The following METTL3 variants were observed in gnomAD, a reference collection of about 807,000 sequenced individuals.
The protein encoded by METTL3 is methyltransferase 3, N6-adenosine-methyltransferase complex catalytic subunit, also known as N(6)-adenosine-methyltransferase catalytic subunit METTL3.
METTL3 carries 42 observed loss-of-function variants against 64.3 expected under a neutral mutation model. The ratio of observed to expected loss-of-function variants is 0.65; its 90% CI spans 0.51 to 0.84. The LOEUF (loss-of-function observed/expected upper bound fraction) is 0.84. Ranked by LOEUF, METTL3 falls within the 40% of genes least tolerant of loss-of-function variation. The pLI, the probability that METTL3 is intolerant of heterozygous loss-of-function variation, is 0.00. For missense variants in METTL3, 435 were observed against 722.3 expected, an observed-to-expected ratio of 0.60 and a Z score of 4.56; for synonymous variants, 256 against 263.6, an observed-to-expected ratio of 0.97 and a Z score of 0.28.
rs1484618672 is a variant in METTL3, at chr14:21,503,203, TTGG to T, written c.690_692del (p.Asn230_Gln231delinsLys). On this transcript the variant is annotated inframe_deletion, in exon 3 of 11. Transcript: ENST00000298717. ...TGCTCTGTTGTTCCTTAGTGGACTG[TTGG>T]TTCAGAAGGCTCTCTATCTCCAGAT... 6.2e-7 allele frequency: 1 copy of T among 1,613,572 alleles called. No individual in the cohort carries two copies. The highest frequency in any genetic ancestry group is 8.5e-7 in the Non-Finnish European group (1 of 1,179,720).
intron 1 of METTL3, among the ~76,000 whole-genome samples, chr14:21,508,561 C>A (rs999114715): frequency 6.6e-6 from 1 of 152,106 alleles, no homozygotes; most frequent in Non-Finnish European, 1.5e-5. Flanking sequence ...CAATTAGAAT[C>A]ATTCATTGAA....
At chr14:21,498,971 C>G in intron 10 of METTL3, 54 bp downstream of exon 10, 2 of 1,266,264 alleles carry the variant, frequency 1.6e-6, no homozygotes, top group Non-Finnish European at 1.2e-6. Context: ...AAGTTCTGTC[C>G]TTAATCATAA....
chr14:21,506,794 G>A (rs1243710409), intron 1 of METTL3, among the ~76,000 whole-genome samples: 1 of 152,190 alleles, frequency 6.6e-6, no homozygotes, highest in East Asian at 1.9e-4. Flanking sequence ...GGCTGAGGAT[G>A]GAGGATCACT....
Position 21,499,584 on chromosome 14 carries a change from C to A in METTL3, c.1360G>T (p.Glu454Ter). ...LNLWGYERVD[E>*]IIWVKTNQLQ... ...TGATTTGTCTTCACCCAAATAATTTCATCTACCCGTTCATACCTGTGGGGC... is the reference window on the plus strand; with the variant it reads ...TGATTTGTCTTCACCCAAATAATTTAATCTACCCGTTCATACCTGTGGGGC... Residue 454 changes from glutamate (E) to a stop codon, truncating the protein, a stop_gained, in exon 8 of 11, where the codon GAA becomes TAA. Transcript: ENST00000298717. LOFTEE classifies it high-confidence loss of function. 6.2e-7 allele frequency: 1 copy of A among 1,614,104 alleles called. No individual in the cohort carries two copies. Among genetic ancestry groups the A allele is most frequent in the South Asian group, 1.1e-5 (1 of 91,082 alleles).
In METTL3 at chr14:21,503,218, C is replaced by G; in HGVS notation, c.678G>C (p.Glu226Asp). ...HAASDVDLEIESLLNQQSTKE... is the reference protein window; with the variant it reads ...HAASDVDLEIDSLLNQQSTKE... ...TAGTGGACTGTTGGTTCAGAAGGCT[C>G]TCTATCTCCAGATCAACATCTGAGG... Residue 226 changes from glutamate to aspartate, a missense_variant, in exon 3 of 11, where the codon GAG becomes GAC. This residue lies in a region of METTL3 where 228 missense variants were observed against 279.6 expected (regional missense o/e 0.82). Transcript: ENST00000298717. 1 of 1,614,038 alleles carries G rather than the reference C, an allele frequency of 6.2e-7. No homozygotes were observed. Among genetic ancestry groups the G allele is most frequent in the Non-Finnish European group, 8.5e-7 (1 of 1,179,970 alleles).
rs1891621329 is a variant in METTL3, at chr14:21,503,475, G to T, written c.421C>A (p.His141Asn). 1 of 1,613,080 alleles carries T rather than the reference G, an allele frequency of 6.2e-7. No individual in the cohort carries two copies. The highest frequency in any genetic ancestry group is 1.7e-5 in the Admixed American group (1 of 60,002). The change falls in exon 3 of 11, where the codon CAT becomes AAT. Residue 141 changes from histidine to asparagine, a missense_variant. Coordinates refer to ENST00000298717, the MANE Select transcript of METTL3 (RefSeq NM_019852.5). ...VKRGLLQDDA[H>N]PTLVTYADHS... ...TCAGCATAGGTTACAAGAGTAGGAT[G>T]TGCATCATCTTGTAGGAGACCTCGC...
chr14:21,499,884 T>A, intron 6 of METTL3, 82 bp from the exon 7 acceptor site: 1 of 1,321,186 alleles, frequency 7.6e-7, no homozygotes, highest in Non-Finnish European at 1.1e-6. Context: ...AAAAACACTA[T>A]AAACACTTTT....
intron 1 of METTL3, among the ~76,000 whole-genome samples, chr14:21,507,387 C>G (rs570608309): frequency 6.6e-6 from 1 of 152,110 alleles, no homozygotes; most frequent in South Asian, 2.1e-4. Flanking sequence ...TGGCCGGGCG[C>G]GGTGGCTCAC....
intron 6 of METTL3, among the ~76,000 whole-genome samples, chr14:21,500,097 C>T (rs989115122): frequency 6.6e-6 from 1 of 152,150 alleles, no homozygotes; most frequent in Non-Finnish European, 1.5e-5. Context: ...TGGTAGCTCA[C>T]GCCTGTAATC....
chr14:21,509,806 G>T (rs920473293), intron 1 of METTL3, among the ~76,000 whole-genome samples: 1 of 152,054 alleles, frequency 6.6e-6, no homozygotes, highest in Admixed American at 6.6e-5. Flanking sequence ...ACAAAAAATT[G>T]TATCTATAAA....
At chr14:21,501,997 T>A in intron 3 of METTL3, 94 bp from the exon 4 acceptor site, 1 of 917,474 alleles carries the variant, frequency 1.1e-6, no homozygotes, top group Non-Finnish European at 1.6e-6. Flanking sequence ...TAATGTCTTC[T>A]AAGAGATAAA....
rs762891415 is a variant in METTL3, at chr14:21,503,474, T to C, written c.422A>G (p.His141Arg). 1.9e-6 allele frequency: 3 copies of C among 1,613,306 alleles called. No homozygotes were observed. Among genetic ancestry groups the C allele is most frequent in the Non-Finnish European group, 2.5e-6 (3 of 1,180,014 alleles). The change falls in exon 3 of 11, where the codon CAT (histidine) becomes CGT (arginine). Residue 141 changes from histidine (H) to arginine (R), a missense_variant. Physicochemically the swap from His to Arg is conservative, Grantham distance 29. Around this residue, in one of 9 missense-constraint regions of METTL3, gnomAD observed 228 missense variants for 279.6 expected, o/e 0.82. Coordinates refer to ENST00000298717, the MANE Select transcript of METTL3 (RefSeq NM_019852.5). The part of the protein sequence containing the change: ...VKRGLLQDDA[H>R]PTLVTYADHS... ...GTCAGCATAGGTTACAAGAGTAGGA[T>C]GTGCATCATCTTGTAGGAGACCTCG... is the stretch of plus-strand genomic sequence containing the variant.
At position 21,511,278 on chromosome 14, in the gene METTL3, C is replaced by A; in HGVS notation, c.-55G>T. ...ATAAGGCGCGGCGGACTAGCACCTC[C>A]CAGCACTCGCTCCAGGATATAGCCA... On this transcript the variant is annotated 5_prime_UTR_variant, in exon 1 of 11. Coordinates refer to ENST00000298717, the MANE Select transcript of METTL3 (RefSeq NM_019852.5). The A allele has an allele frequency of 6.3e-7, 1 of 1,576,112 alleles. No individual in the cohort carries two copies. The highest frequency in any genetic ancestry group is 1.9e-5 in the Admixed American group (1 of 53,800).
intron 1 of METTL3, chr14:21,510,751 T>G: frequency 4.3e-6 from 1 of 232,506 alleles, no homozygotes; most frequent in Non-Finnish European, 8.7e-6. Flanking sequence ...ACAGTCGTTA[T>G]AACTGAGGGA....
At chr14:21,509,710 CAAA>C (rs1054982442) in intron 1 of METTL3, among the ~76,000 whole-genome samples, 3 of 151,646 alleles carry the variant, frequency 2.0e-5, no homozygotes, top group Admixed American at 6.6e-5. Flanking sequence ...AAAACAAAAG[CAAA>C]AAAAGTCGTT....
chr14:21,499,623 A>G, intron 7 of METTL3, 23 bp from the exon 8 acceptor site: 2 of 1,608,698 alleles, frequency 1.2e-6, no homozygotes, highest in Non-Finnish European at 1.7e-6. Context: ...AAAAAGAACT[A>G]GAATTTTAGC....
At chr14:21,503,100 C>G in intron 3 of METTL3, 73 bp downstream of exon 3, 2 of 1,492,366 alleles carry the variant, frequency 1.3e-6, no homozygotes, top group South Asian at 2.6e-5. Context: ...GTTCCTTGCC[C>G]TAGGGGTAAA....
chr14:21,503,238 C>A lies in METTL3; in HGVS notation c.658G>T (p.Asp220Tyr). The change falls in exon 3 of 11, where the codon GAT (aspartate) becomes TAT (tyrosine). Residue 220 changes from aspartate to tyrosine, a missense_variant. Transcript: ENST00000298717. ...AKKSRKHAAS[D>Y]VDLEIESLLN... ...AGGCTCTCTATCTCCAGATCAACAT[C>A]TGAGGCAGCATGTTTCCTTGATTTC... 1 of 1,614,200 alleles carries A rather than the reference C, an allele frequency of 6.2e-7. No individual in the cohort carries two copies. Among genetic ancestry groups the A allele is most frequent in the Non-Finnish European group, 8.5e-7 (1 of 1,180,026 alleles).
chr14:21,501,156 G>C (rs370847408), intron 4 of METTL3, 27 bp from the exon 5 acceptor site: 27 of 1,542,872 alleles, frequency 1.7e-5, no homozygotes, highest in Non-Finnish European at 2.4e-5. Flanking sequence ...GGAGAATCAA[G>C]ATGGTGCTCC....
Sources: allele counts gnomAD v4.1 joint callset (sites outside exome capture counted in the v4.1 genomes callset), GRCh38; gene constraint gnomAD v4.1.1; regional missense constraint gnomAD v4.1.1; transcripts MANE v1.5; gene names NCBI Gene and HGNC (gene_info 2026-07-23, HGNC 2026-07-21).